PMP22: variants seen among roughly 807,000 people sequenced by gnomAD.
PMP22 encodes the protein Charcot-Marie-Tooth neuropathy 1A (greatly reduced nerve conduction velocity, hereditary motor sensory neuropathy Ia).
In PMP22, 2 loss-of-function variants were observed where a neutral mutation model predicts 18.9. That is an observed-to-expected ratio of 0.11 (90% confidence interval 0.04 to 0.33). PMP22 has a LOEUF of 0.33. Ranked by LOEUF, PMP22 falls within the 10% of genes least tolerant of loss-of-function variation. PMP22 has a pLI of 1.00. For missense variants in PMP22, 169 were observed against 202.2 expected (o/e 0.84, Z 1.00); for synonymous variants, 95 against 89.2 (o/e 1.07, Z -0.37).
chr17:15,237,998 A>AG (rs1221489940), intron 4 of PMP22, among the ~76,000 whole-genome samples: 1 of 151,474 alleles, frequency 6.6e-6, no homozygotes, highest in Non-Finnish European at 1.5e-5. Context: ...AAAACGAGTG[A>AG]GAAAAAAAAA....
intron 4 of PMP22, 84 bp from the exon 5 acceptor site, chr17:15,231,164 G>T: frequency 7.4e-7 from 1 of 1,346,810 alleles, no homozygotes; most frequent in Non-Finnish European, 1.1e-6. Context: ...GCTGACAATT[G>T]CTGGGTAGGA....
intron 2 of PMP22, among the ~76,000 whole-genome samples, 154 bp from the exon 3 acceptor site, chr17:15,259,347 A>C (rs1300133412): frequency 6.6e-6 from 1 of 152,218 alleles, no homozygotes; most frequent in Non-Finnish European, 1.5e-5. Context: ...TTTATGACTT[A>C]AAAGCACCTT....
At chr17:15,259,262 A>G in intron 2 of PMP22, 69 bp from the exon 3 acceptor site, 1 of 1,267,784 alleles carries the variant, frequency 7.9e-7, no homozygotes, top group Non-Finnish European at 1.1e-6. Flanking sequence ...GGGAAGGAGA[A>G]AGGCCCAGGG....
At chr17:15,234,975 C>A (rs1001470763) in intron 4 of PMP22, among the ~76,000 whole-genome samples, 1 of 152,094 alleles carries the variant, frequency 6.6e-6, no homozygotes, top group African/African-American at 2.4e-5. Flanking sequence ...CTCCAAGGCA[C>A]CCCACTAATT....
At chr17:15,233,356 C>T (rs1906514010) in intron 4 of PMP22, among the ~76,000 whole-genome samples, 1 of 152,236 alleles carries the variant, frequency 6.6e-6, no homozygotes, top group Non-Finnish European at 1.5e-5. Flanking sequence ...GACACTGACC[C>T]TGTCCAGACA....
chr17:15,235,244 T>A, intron 4 of PMP22: 2 of 717,662 alleles, frequency 2.8e-6, no homozygotes, highest in Non-Finnish European at 5.2e-6. Context: ...ATTCTTTCTG[T>A]TCTTAATCCC....
intron 3 of PMP22, among the ~76,000 whole-genome samples, chr17:15,245,776 G>A (rs1163955364): frequency 6.6e-6 from 1 of 152,002 alleles, no homozygotes; most frequent in East Asian, 1.9e-4. Context: ...GGAGGCCCAG[G>A]AGGGCAGATC....
chr17:15,250,888 A>T (rs1272241423), intron 3 of PMP22, among the ~76,000 whole-genome samples: 1 of 152,102 alleles, frequency 6.6e-6, no homozygotes, highest in East Asian at 1.9e-4. Context: ...CTGGACTATG[A>T]CCACAAACTC....
chr17:15,257,489 G>A (rs1281449755), intron 3 of PMP22, among the ~76,000 whole-genome samples: 6 of 152,220 alleles, frequency 3.9e-5, no homozygotes, highest in African/African-American at 1.4e-4. Context: ...ACCAAAGCCT[G>A]CCCTTTTCGG....
At chr17:15,233,357 T>C (rs994546671) in intron 4 of PMP22, among the ~76,000 whole-genome samples, 6 of 152,254 alleles carry the variant, frequency 3.9e-5, no homozygotes, top group South Asian at 2.1e-4. Context: ...ACACTGACCC[T>C]GTCCAGACAA....
At chr17:15,239,700 G>C in intron 3 of PMP22, 89 bp from the exon 4 acceptor site, 1 of 1,286,486 alleles carries the variant, frequency 7.8e-7, no homozygotes, top group Non-Finnish European at 1.1e-6. Context: ...GGCCATGACT[G>C]CTGACAGCAC....
At chr17:15,255,440 A>T (rs574600173) in intron 3 of PMP22, among the ~76,000 whole-genome samples, 21 of 152,188 alleles carry the variant, frequency 1.4e-4, no homozygotes, top group Non-Finnish European at 2.6e-4. Context: ...CTGGAGCTCT[A>T]GCAGCCTTTT....
intron 4 of PMP22, among the ~76,000 whole-genome samples, chr17:15,232,067 T>C (rs1049072730): frequency 1.3e-5 from 2 of 151,954 alleles, no homozygotes; most frequent in African/African-American, 4.8e-5. Context: ...TGAGTGACTC[T>C]ATTATAAATC....
intron 3 of PMP22, among the ~76,000 whole-genome samples, chr17:15,249,066 C>T (rs138417011): frequency 2.3e-3 from 357 of 152,244 alleles, no homozygotes; most frequent in African/African-American, 7.8e-3. Flanking sequence ...AAAAAGAACA[C>T]GCATTATGGA....
At chr17:15,256,681 A>T (rs1377437371) in intron 3 of PMP22, among the ~76,000 whole-genome samples, 2 of 147,894 alleles carry the variant, frequency 1.4e-5, no homozygotes, top group Non-Finnish European at 2.9e-5. Flanking sequence ...CTTAACAAGT[A>T]TTTTTTTTCA....
intron 3 of PMP22, among the ~76,000 whole-genome samples, chr17:15,253,767 G>A (rs982367297): frequency 2.6e-5 from 4 of 151,984 alleles, no homozygotes; most frequent in Admixed American, 6.5e-5. Context: ...GAACCTCCCC[G>A]AGATGTTCAT....
At chr17:15,260,797 C>A in intron 1 of PMP22, 36 bp from the exon 2 acceptor site, 2 of 1,363,998 alleles carry the variant, frequency 1.5e-6, no homozygotes, top group Non-Finnish European at 2.0e-6. Flanking sequence ...GCCGAACGCA[C>A]TGGGCCGAGC....
intron 3 of PMP22, among the ~76,000 whole-genome samples, chr17:15,248,730 G>A (rs143171118): frequency 5.6e-4 from 85 of 152,304 alleles, no homozygotes; most frequent in African/African-American, 1.9e-3. Flanking sequence ...TGCATTGTAC[G>A]ATGAAGGATA....
chr17:15,235,092 T>C, intron 4 of PMP22: 1 of 640,990 alleles, frequency 1.6e-6, no homozygotes, highest in Non-Finnish European at 2.8e-6. Flanking sequence ...AGTGTTGGGA[T>C]TACAGGCATT....
Sources: allele counts gnomAD v4.1 joint callset (sites outside exome capture counted in the v4.1 genomes callset), GRCh38; gene constraint gnomAD v4.1.1; transcripts MANE v1.5; gene names NCBI Gene and HGNC (gene_info 2026-07-23, HGNC 2026-07-21).